Variants in BAIAP2L1 observed in about 807,000 individuals in gnomAD.
BAIAP2L1 encodes BAR/IMD domain containing adaptor protein 2 like 1.
A neutral mutation model predicts 66.3 loss-of-function variants in BAIAP2L1; 35 were observed. That is an observed-to-expected ratio of 0.53 (90% CI 0.40 to 0.70). The LOEUF is 0.70. BAIAP2L1 is among the 30% of genes least tolerant of loss of function. The pLI, the probability that BAIAP2L1 is intolerant of heterozygous loss-of-function variation, is 0.00. For missense variants in BAIAP2L1, 622 were observed against 656.9 expected (o/e 0.95, Z 0.58); for synonymous variants, 269 against 248.7 (o/e 1.08, Z -0.77).
chr7:98,307,103 T>C (rs1350470363), intron 10 of BAIAP2L1: 1 of 159,678 alleles, frequency 6.3e-6, no homozygotes, highest in Non-Finnish European at 1.4e-5. Flanking sequence ...CTTCAATAAA[T>C]CAAATGCTAA....
chr7:98,303,390 C>G (rs1371141744), intron 12 of BAIAP2L1, among the ~76,000 whole-genome samples: 3 of 152,230 alleles, frequency 2.0e-5, no homozygotes, highest in Non-Finnish European at 4.4e-5. Flanking sequence ...CCCCTTCACC[C>G]ACAGGTCTCA....
intron 3 of BAIAP2L1, among the ~76,000 whole-genome samples, chr7:98,350,511 T>C (rs1801977170): frequency 6.6e-6 from 1 of 151,846 alleles, no homozygotes; most frequent in Non-Finnish European, 1.5e-5. Flanking sequence ...ATACAAAAAT[T>C]AGCTGGGCGT....
At position 98,292,534 on chromosome 7, in the gene BAIAP2L1, A is replaced by T; in HGVS notation, c.*987T>A. The T allele has an allele frequency of 9.0e-7, 1 of 1,111,076 alleles. No individual in the cohort carries two copies. The highest frequency in any genetic ancestry group is 1.3e-6 in the Non-Finnish European group (1 of 758,092). The allele number at this position is 1,111,076 out of a possible 1,614,324, so 68.8% of individuals were successfully genotyped here. On this transcript the variant is annotated 3_prime_UTR_variant, in exon 14 of 14. Coordinates refer to ENST00000005260, the MANE Select transcript of BAIAP2L1 (RefSeq NM_018842.5). Reference sequence around the variant, plus strand: ...TCCTTGGCAGCCAAAGATGATTTCCAGCCCCGGGCTCAGGGCAGCCAGTGC... The same window carrying T: ...TCCTTGGCAGCCAAAGATGATTTCCTGCCCCGGGCTCAGGGCAGCCAGTGC...
chr7:98,339,074 A>T (rs1036867756), intron 3 of BAIAP2L1, among the ~76,000 whole-genome samples: 4 of 106,570 alleles, frequency 3.8e-5, no homozygotes, highest in African/African-American at 1.3e-4. Context: ...CTCTGTCTTT[A>T]AAAAAAAAAA....
At chr7:98,385,963 T>A (rs1327503247) in intron 1 of BAIAP2L1, 49 of 1,484,762 alleles carry the variant, frequency 3.3e-5, no homozygotes, top group African/African-American at 1.4e-5. Context: ...AACGAAGACA[T>A]CATGGAGAGG....
At chr7:98,383,223 C>T (rs538617596) in intron 1 of BAIAP2L1, among the ~76,000 whole-genome samples, 40 of 150,292 alleles carry the variant, frequency 2.7e-4, no homozygotes, top group Non-Finnish European at 4.1e-4. Context: ...AATGGAAACA[C>T]AATCCTTCCT....
chr7:98,340,632 C>T (rs975664748), intron 3 of BAIAP2L1, among the ~76,000 whole-genome samples: 4 of 152,058 alleles, frequency 2.6e-5, no homozygotes, highest in Non-Finnish European at 5.9e-5. Flanking sequence ...TATATATATA[C>T]TCACTTCAAA....
intron 2 of BAIAP2L1, among the ~76,000 whole-genome samples, chr7:98,357,962 C>T (rs1802179032): frequency 6.6e-6 from 1 of 152,072 alleles, no homozygotes; most frequent in Admixed American, 6.6e-5. Context: ...AGAAGTGACT[C>T]CACCTAAAAA....
chr7:98,375,324 G>A (rs1032862307), intron 1 of BAIAP2L1, among the ~76,000 whole-genome samples: 1 of 151,700 alleles, frequency 6.6e-6, no homozygotes, highest in Non-Finnish European at 1.5e-5. Context: ...AACCTGGGAG[G>A]CGGAGGTTGC....
chr7:98,293,300 A>T lies in BAIAP2L1; in HGVS notation c.*221T>A, dbSNP rs967928808. ...ACAGAATAGGAAGAAAATATTTTAA[A>T]TGGCTGAGCTGGTCATTAGACTATT... On this transcript the variant is annotated 3_prime_UTR_variant, in exon 14 of 14. Coordinates refer to ENST00000005260, the MANE Select transcript of BAIAP2L1 (RefSeq NM_018842.5). 1 of 456,872 alleles carries T rather than the reference A, an allele frequency of 2.2e-6. No individual in the cohort carries two copies. The highest frequency in any genetic ancestry group is 2.0e-5 in the African/African-American group (1 of 50,882). 28.3% of individuals were successfully genotyped at this position (456,872 alleles called of 1,614,324 possible). A position where few individuals can be genotyped will look rare whatever the true frequency, so the allele number is the denominator to read the frequency against.
chr7:98,375,587 T>C (rs1441878027), intron 1 of BAIAP2L1, among the ~76,000 whole-genome samples: 5 of 149,894 alleles, frequency 3.3e-5, no homozygotes, highest in African/African-American at 4.9e-5. Flanking sequence ...CCATCTCTAC[T>C]AAAAATATAA....
In BAIAP2L1 at chr7:98,393,043, AT is replaced by A. The variant is rs1803089456; in HGVS notation, c.51+7758del. On this transcript the variant is annotated intron_variant, in intron 1 of 13. Transcript: ENST00000005260. ...TACATACACACATATATATACATAT[AT>A]ACGTGTACATATATGTACACATATA... 3.5e-5 allele frequency among the ~76,000 whole-genome samples: 3 copies of A among 86,248 alleles called. No individual in the cohort carries two copies. The South Asian group carries it at 1.2e-3, about 35-fold the overall frequency. The allele number at this position is 86,248 out of a possible 152,430, so 56.6% of individuals were successfully genotyped here.
Position 98,292,900 on chromosome 7 carries a change from T to TGGCCCGGCCACACCGTCCTGATAAG in BAIAP2L1, c.*620_*621insCTTATCAGGACGGTGTGGCCGGGCC. ...AGGAGATTTCGTCGAGTGCTACGTGTGGCTGTGATAAGGGCAGGCAAAGCG... is the reference window on the plus strand; with the variant it reads ...AGGAGATTTCGTCGAGTGCTACGTGTGGCCCGGCCACACCGTCCTGATAAGGGCTGTGATAAGGGCAGGCAAAGCG... On this transcript the variant is annotated 3_prime_UTR_variant, in exon 14 of 14. Coordinates refer to ENST00000005260, the MANE Select transcript of BAIAP2L1 (RefSeq NM_018842.5). The TGGCCCGGCCACACCGTCCTGATAAG allele has an allele frequency of 1.4e-6, 2 of 1,419,644 alleles. No individual in the cohort carries two copies. The highest frequency in any genetic ancestry group is 3.1e-5 in the South Asian group (2 of 64,764). 87.9% of individuals were successfully genotyped at this position (1,419,644 alleles called of 1,614,324 possible).
At chr7:98,363,838 C>A (rs909612573) in intron 1 of BAIAP2L1, among the ~76,000 whole-genome samples, 2 of 152,118 alleles carry the variant, frequency 1.3e-5, no homozygotes, top group Non-Finnish European at 2.9e-5. Flanking sequence ...TACACACATA[C>A]CCTTCAGAAT....
chr7:98,343,916 C>T (rs1305501123), intron 3 of BAIAP2L1, among the ~76,000 whole-genome samples: 1 of 152,192 alleles, frequency 6.6e-6, no homozygotes, highest in Non-Finnish European at 1.5e-5. Context: ...CACAAAGGCT[C>T]ACGCCTGTAA....
intron 3 of BAIAP2L1, among the ~76,000 whole-genome samples, chr7:98,343,502 C>T (rs1759704258): frequency 6.6e-6 from 1 of 152,106 alleles, no homozygotes; most frequent in East Asian, 1.9e-4. Context: ...ATGTTACTGG[C>T]CAAACCCTGA....
At chr7:98,323,702 T>C (rs990028356) in intron 3 of BAIAP2L1, among the ~76,000 whole-genome samples, 8 of 152,210 alleles carry the variant, frequency 5.3e-5, no homozygotes, top group Non-Finnish European at 1.2e-4. Context: ...GCTCTTTCAC[T>C]CTGCGGGCAG....
intron 3 of BAIAP2L1, among the ~76,000 whole-genome samples, chr7:98,346,190 T>TAA (rs1365265415): frequency 6.6e-6 from 1 of 152,056 alleles, no homozygotes; most frequent in African/African-American, 2.4e-5. Flanking sequence ...AGAAAAGAAC[T>TAA]AAATAGGACT....
chr7:98,301,475 G>GTATATATATATA (rs60741017), intron 12 of BAIAP2L1, among the ~76,000 whole-genome samples: 81 of 142,304 alleles, frequency 5.7e-4, no homozygotes, highest in Non-Finnish European at 8.4e-4. Flanking sequence ...TTTTTTTTTG[G>GTATATATATATA]TATATATATA....
Sources: gnomAD v4.1 joint callset for allele counts (sites outside exome capture counted in the v4.1 genomes callset) on GRCh38, gnomAD v4.1.1 for gene constraint, MANE v1.5 for transcripts, NCBI Gene and HGNC (gene_info 2026-07-23, HGNC 2026-07-21) for gene names.